Variants in APC observed in about 807,000 individuals in gnomAD.
APC encodes APC regulator of Wnt signaling pathway, also known as adenomatous polyposis coli protein.
Under a neutral mutation model 247.0 loss-of-function variants are expected in APC, and 72 were observed. The ratio of observed to expected loss-of-function variants is 0.29; its 90% CI spans 0.24 to 0.35. APC has a LOEUF of 0.35. APC is among the 10% of genes least tolerant of loss of function. The pLI is 1.00. For missense variants in APC, 3,400 were observed against 3,360.7 expected (o/e 1.01, Z -0.29); for synonymous variants, 1,254 against 1,162.5 (o/e 1.08, Z -1.60).
intron 7 of APC, 113 bp from the exon 8 acceptor site, chr5:112,801,166 C>A: frequency 1.4e-6 from 1 of 723,074 alleles, no homozygotes. Flanking sequence ...ATGCCTTTAT[C>A]AGTCTGTATA....
intron 1 of APC, among the ~76,000 whole-genome samples, chr5:112,710,481 T>C (rs758804974): frequency 6.6e-6 from 1 of 152,192 alleles, no homozygotes; most frequent in African/African-American, 2.4e-5. Flanking sequence ...CCATGTACCC[T>C]TTCCCATCTT....
At chr5:112,806,634 G>C (rs899168299) in intron 8 of APC, among the ~76,000 whole-genome samples, 4 of 151,942 alleles carry the variant, frequency 2.6e-5, no homozygotes, top group Admixed American at 2.0e-4. Flanking sequence ...CCACTGCACA[G>C]TGGTGCAATC....
At chr5:112,760,945 G>A (rs1240770946) in intron 2 of APC, among the ~76,000 whole-genome samples, 1 of 152,102 alleles carries the variant, frequency 6.6e-6, no homozygotes, top group Non-Finnish European at 1.5e-5. Context: ...AAGTAGCTGG[G>A]ACTACAGGCA....
chr5:112,780,757 A>C, intron 5 of APC, 33 bp from the exon 6 acceptor site: 1 of 1,460,612 alleles, frequency 6.8e-7, no homozygotes, highest in Non-Finnish European at 9.5e-7. Flanking sequence ...TAAATACAAG[A>C]TATTGATACT....
At chr5:112,739,547 T>C (rs922459698) in intron 1 of APC, among the ~76,000 whole-genome samples, 1 of 152,250 alleles carries the variant, frequency 6.6e-6, no homozygotes, top group Admixed American at 6.5e-5. Flanking sequence ...AATTACTTGA[T>C]CATGGATATC....
At position 112,754,871 on chromosome 5, in the gene APC, A is replaced by G. The variant is rs2149736941; in HGVS notation, c.-18-2A>G. 6.2e-7 allele frequency: 1 copy of G among 1,613,308 alleles called. No individual in the cohort carries two copies. The highest frequency in any genetic ancestry group is 8.5e-7 in the Non-Finnish European group (1 of 1,179,452). On this transcript the variant is annotated splice_acceptor_variant, in intron 1 of 15. Transcript: ENST00000257430. LOFTEE classifies it low-confidence loss of function (5UTR_SPLICE). The stretch of plus-strand genomic sequence containing the variant: ...ATTTCAAAATCCTTTTTAACCTTAT[A>G]GGTCCAAGGGTAGCCAAGGATGGCT...
At chr5:112,752,055 A>G (rs1345370348) in intron 1 of APC, among the ~76,000 whole-genome samples, 1 of 151,860 alleles carries the variant, frequency 6.6e-6, no homozygotes, top group Non-Finnish European at 1.5e-5. Flanking sequence ...TGTAAATTAT[A>G]TTTTTCATCT....
At chr5:112,818,321 CAG>C (rs967010802) in intron 9 of APC, among the ~76,000 whole-genome samples, 1 of 152,184 alleles carries the variant, frequency 6.6e-6, no homozygotes, top group Non-Finnish European at 1.5e-5. Flanking sequence ...AATTTATTGT[CAG>C]AGAGTAATTA....
chr5:112,830,874 G>A (rs141963457), intron 14 of APC, among the ~76,000 whole-genome samples: 177 of 152,248 alleles, frequency 1.2e-3, no homozygotes, highest in African/African-American at 4.0e-3. Flanking sequence ...AGTTTTATGG[G>A]TGTATACATG....
chr5:112,820,427 A>G (rs564755171), intron 10 of APC, among the ~76,000 whole-genome samples: 276 of 152,288 alleles, frequency 1.8e-3, no homozygotes, highest in African/African-American at 6.4e-3. Context: ...AGACAGGAGG[A>G]TTGCTTAAGC....
intron 11 of APC, chr5:112,823,457 G>A (rs1400462308): frequency 1.3e-5 from 2 of 152,508 alleles, no homozygotes; most frequent in Admixed American, 1.3e-4. Flanking sequence ...ATTTGCACTG[G>A]GGCAAAAGGA....
chr5:112,749,479 AT>A lies in APC; in HGVS notation c.-18-5371del, dbSNP rs536428390. On this transcript the variant is annotated intron_variant, in intron 1 of 15. Coordinates refer to ENST00000257430, the MANE Select transcript of APC (RefSeq NM_000038.6). Reference sequence around the variant, plus strand: ...AAAGATATTAATACTTACTGCTCCAATTTTTTTTTTTTTTTTTTTTTTTGAT... The same window carrying A: ...AAAGATATTAATACTTACTGCTCCAATTTTTTTTTTTTTTTTTTTTTTGAT... 8.5e-3 allele frequency among the ~76,000 whole-genome samples: 886 copies of A among 104,064 alleles called. 3 individuals are homozygous for A. Among genetic ancestry groups the A allele is most frequent in the Middle Eastern group, 0.03 (5 of 166 alleles). The allele number at this position is 104,064 out of a possible 152,430, so 68.3% of individuals were successfully genotyped here.
intron 2 of APC, among the ~76,000 whole-genome samples, chr5:112,762,807 A>G (rs1207177177): frequency 1.3e-5 from 2 of 152,238 alleles, no homozygotes; most frequent in South Asian, 2.1e-4. Context: ...TGTATTTTAC[A>G]TATGTGTGTT....
intron 2 of APC, among the ~76,000 whole-genome samples, chr5:112,761,678 G>A (rs1214730127): frequency 6.6e-6 from 1 of 152,168 alleles, no homozygotes; most frequent in Admixed American, 6.5e-5. Flanking sequence ...CTTGTCCTGG[G>A]AGTAGGCAAA....
chr5:112,712,971 G>C (rs951250893), intron 1 of APC, among the ~76,000 whole-genome samples: 2 of 152,080 alleles, frequency 1.3e-5, no homozygotes, highest in Non-Finnish European at 2.9e-5. Flanking sequence ...AGGAGTTTGA[G>C]ACCAGCCTGG....
rs1415318567 is a variant in APC at position 112,842,456 on chromosome 5, C to A, written c.6862C>A (p.Gln2288Lys). Reference sequence around the variant, plus strand: ...ATCAGAATTAAGCCCTGTTGCCAGGCAGACATCCCAAATAGGTGGGTCAAG... The same window carrying A: ...ATCAGAATTAAGCCCTGTTGCCAGGAAGACATCCCAAATAGGTGGGTCAAG... ...VKSELSPVAR[Q>K]TSQIGGSSKA... The change falls in exon 16 of 16, where the codon CAG becomes AAG. Residue 2288 changes from glutamine (Q) to lysine (K), a missense_variant. By Grantham distance (53) the Gln-to-Lys change is moderately conservative (BLOSUM62 1). Transcript: ENST00000257430. The A allele has an allele frequency of 6.2e-7, 1 of 1,613,976 alleles. No homozygotes were observed. Among genetic ancestry groups the A allele is most frequent in the Non-Finnish European group, 8.5e-7 (1 of 1,179,902 alleles).
rs867901382 is a variant in APC at position 112,759,357 on chromosome 5, T to G, written c.135+4332T>G. ...ATAATTTTCTTTCTTTCTTTCTTTCTTTTTTTTTTTTTTTTTTTTGAGACC... is the reference window on the plus strand; with the variant it reads ...ATAATTTTCTTTCTTTCTTTCTTTCGTTTTTTTTTTTTTTTTTTTGAGACC... On this transcript the variant is annotated intron_variant, in intron 2 of 15. Transcript: ENST00000257430. Among the ~76,000 whole-genome samples, 439 of 104,714 alleles carry G rather than the reference T, an allele frequency of 4.2e-3. 2 individuals carry two copies. The Middle Eastern group carries it at 0.059, about 14-fold the overall frequency. The allele number at this position is 104,714 out of a possible 152,430, so 68.7% of individuals were successfully genotyped here.
chr5:112,780,075 C>A (rs1036614249), intron 5 of APC, among the ~76,000 whole-genome samples: 2 of 152,042 alleles, frequency 1.3e-5, no homozygotes, highest in African/African-American at 4.8e-5. Context: ...ATTACCTTGT[C>A]CTTTTAAAAT....
chr5:112,815,334 C>T (rs762991407), intron 8 of APC, among the ~76,000 whole-genome samples, 161 bp from the exon 9 acceptor site: 10 of 152,038 alleles, frequency 6.6e-5, no homozygotes, highest in Non-Finnish European at 1.5e-4. Context: ...ACTTAGTAAG[C>T]GTATAGGTAA....
Sources: gnomAD v4.1 joint callset for allele counts (sites outside exome capture counted in the v4.1 genomes callset) on GRCh38, gnomAD v4.1.1 for gene constraint, MANE v1.5 for transcripts, NCBI Gene and HGNC (gene_info 2026-07-23, HGNC 2026-07-21) for gene names.